AGMAT: variants seen among roughly 807,000 people sequenced by gnomAD.
AGMAT encodes the protein guanidino acid hydrolase, mitochondrial.
A neutral mutation model predicts 29.3 loss-of-function variants in AGMAT; 37 were observed. That is an observed-to-expected ratio of 1.26 (90% confidence interval 0.97 to 1.66). The LOEUF is 1.66. AGMAT is among the 40% of genes most tolerant of loss of function. The pLI is 0.00. For synonymous variants in AGMAT, 199 were observed against 200.8 expected (o/e 0.99, Z 0.08); for missense variants, 498 against 497.8 (o/e 1.00, Z 0.00).
intron 6 of AGMAT, among the ~76,000 whole-genome samples, chr1:15,574,251 C>T (rs1046615292): frequency 6.6e-5 from 10 of 152,136 alleles, no homozygotes. Flanking sequence ...GCTAATGATA[C>T]TTAACTACCT....
In AGMAT at chr1:15,578,315, G is replaced by C. The variant is rs930683727; in HGVS notation, c.721-451C>G. Among the ~76,000 whole-genome samples, 11 of 150,892 alleles carry C rather than the reference G, an allele frequency of 7.3e-5. No individual in the cohort carries two copies. In the South Asian group the frequency reaches 2.3e-3, roughly 32 times the overall value. On this transcript the variant is annotated intron_variant, in intron 4 of 6. Transcript: ENST00000375826. ...CTCCCCTCTTTTTTTTTTCTTTTGA[G>C]ATGGAGTCTCACTTTGTCACCTAGG...
At chr1:15,577,230 C>T (rs546035031) in intron 5 of AGMAT, among the ~76,000 whole-genome samples, 1 of 152,214 alleles carries the variant, frequency 6.6e-6, no homozygotes, top group East Asian at 1.9e-4. Context: ...GGTATTCAAA[C>T]TTATCCTCAG....
In AGMAT at chr1:15,573,309, GTAT is replaced by G; in HGVS notation, c.*339_*341del. The G allele has an allele frequency of 4.4e-6, 1 of 228,758 alleles. No individual in the cohort carries two copies. Among genetic ancestry groups the G allele is most frequent in the African/African-American group, 2.2e-5 (1 of 44,590 alleles). The allele number at this position is 228,758 out of a possible 1,614,324, so 14.2% of individuals were successfully genotyped here. A position where few individuals can be genotyped will look rare whatever the true frequency, so the allele number is the denominator to read the frequency against. ...TATAGAAATATGGAATGCTTATACAGTATTATTTCATAGTTTTTTTAAATGTCA... is the reference window on the plus strand; with the variant it reads ...TATAGAAATATGGAATGCTTATACAGTATTTCATAGTTTTTTTAAATGTCA... On this transcript the variant is annotated 3_prime_UTR_variant, in exon 7 of 7. Transcript: ENST00000375826.
intron 6 of AGMAT, 115 bp from the exon 7 acceptor site, chr1:15,573,839 T>G: frequency 1.1e-6 from 1 of 895,650 alleles, no homozygotes; most frequent in Non-Finnish European, 1.8e-6. Context: ...CCCTGTCTTG[T>G]GCACCCCTCT....
In AGMAT at chr1:15,583,315, G is replaced by T; in HGVS notation, c.353C>A (p.Ser118Tyr). ...ATCGCCTAGGTCTGCAACCATGAGGGACTGGAAGGGGAGGGCCCCCGTGCT... is the reference window on the plus strand; with the variant it reads ...ATCGCCTAGGTCTGCAACCATGAGGTACTGGAAGGGGAGGGCCCCCGTGCT... ...NPSTGALPFQ[S>Y]LMVADLGDVN... Residue 118 changes from serine to tyrosine, a missense_variant, in exon 2 of 7, where the codon TCC becomes TAC. Transcript: ENST00000375826. 1 of 1,614,186 alleles carries T rather than the reference G, an allele frequency of 6.2e-7. No homozygotes were observed. Among genetic ancestry groups the T allele is most frequent in the African/African-American group, 1.3e-5 (1 of 75,060 alleles).
At position 15,573,358 on chromosome 1, in the gene AGMAT, T is replaced by C. The variant is rs1446683883; in HGVS notation, c.*293A>G. ...TGTCATGTTTCTAATGTTTAGATAA[T>C]CTTGAAAGAAATTCTCCTCACTTCC... On this transcript the variant is annotated 3_prime_UTR_variant, in exon 7 of 7. Coordinates refer to ENST00000375826, the MANE Select transcript of AGMAT (RefSeq NM_024758.5). 3.5e-5 allele frequency: 11 copies of C among 316,344 alleles called. No homozygotes were observed. The highest frequency in any genetic ancestry group is 8.3e-5 in the African/African-American group (4 of 47,988). 19.6% of individuals were successfully genotyped at this position (316,344 alleles called of 1,614,324 possible).
chr1:15,584,764 G>A lies in AGMAT; in HGVS notation c.204C>T (p.Pro68=), dbSNP rs776791296. The change falls in exon 1 of 7, where the codon CCC becomes CCT. Residue 68 remains proline (P), a synonymous_variant. Transcript: ENST00000375826. ...CGATGAAGGCAGCGTCCAGCCCCTC[G>A]GGGGAGGTCTGCACCGGCAGGCGCA... ...SMMRLPVQTS[P]EGLDAAFIGV... is the part of the protein sequence containing the mutation. 3.7e-6 allele frequency: 5 copies of A among 1,362,534 alleles called. No individual in the cohort carries two copies. The allele number at this position is 1,362,534 out of a possible 1,614,324, so 84.4% of individuals were successfully genotyped here. A position where few individuals can be genotyped will look rare whatever the true frequency, so the allele number is the denominator to read the frequency against.
intron 4 of AGMAT, among the ~76,000 whole-genome samples, chr1:15,578,319 G>T (rs566644901): frequency 6.6e-6 from 1 of 151,806 alleles, no homozygotes; most frequent in African/African-American, 2.4e-5. Context: ...TTTTGAGATG[G>T]AGTCTCACTT....
intron 3 of AGMAT, 56 bp from the exon 4 acceptor site, chr1:15,579,110 C>T (rs1639079450): frequency 1.3e-6 from 2 of 1,554,352 alleles, no homozygotes; most frequent in East Asian, 2.3e-5. Flanking sequence ...CCTAGCACAG[C>T]CACCCTTCGG....
intron 5 of AGMAT, among the ~76,000 whole-genome samples, chr1:15,576,788 C>T (rs1399745486): frequency 3.3e-5 from 3 of 91,250 alleles, no homozygotes; most frequent in South Asian, 4.0e-4. Flanking sequence ...TTCACTCTTT[C>T]GCCCAGGCCA....
chr1:15,582,094 C>A (rs1639123262), intron 2 of AGMAT, among the ~76,000 whole-genome samples: 1 of 151,892 alleles, frequency 6.6e-6, no homozygotes, highest in African/African-American at 2.4e-5. Context: ...TATGATGAAA[C>A]CCCGTCTCTA....
At chr1:15,578,089 C>G (rs1464052702) in intron 4 of AGMAT, among the ~76,000 whole-genome samples, 7 of 152,186 alleles carry the variant, frequency 4.6e-5, no homozygotes, top group Non-Finnish European at 1.0e-4. Flanking sequence ...TTTGCTAAAG[C>G]AAGAGTGGGA....
At chr1:15,575,135 T>A in intron 5 of AGMAT, 1 of 262,538 alleles carries the variant, frequency 3.8e-6, no homozygotes, top group South Asian at 4.8e-5. Context: ...TCAGCATAGG[T>A]AATAGCCTGG....
chr1:15,580,936 C>T (rs1453317936), intron 2 of AGMAT, among the ~76,000 whole-genome samples: 1 of 152,040 alleles, frequency 6.6e-6, no homozygotes, highest in Non-Finnish European at 1.5e-5. Flanking sequence ...GATCGCGCCA[C>T]TGCACTCCAG....
intron 5 of AGMAT, chr1:15,576,161 A>G (rs6674806): frequency 0.29 from 44,065 of 152,112 alleles, 7,548 homozygotes; most frequent in African/African-American, 0.47. Flanking sequence ...GGAGTGCAAT[A>G]TCATGATCTC....
chr1:15,574,723 C>T, intron 6 of AGMAT, 34 bp downstream of exon 6: 1 of 1,570,552 alleles, frequency 6.4e-7, no homozygotes, highest in Non-Finnish European at 8.8e-7. Flanking sequence ...AAGCTACCGG[C>T]TGCCCATGGA....
intron 2 of AGMAT, among the ~76,000 whole-genome samples, chr1:15,581,176 C>T (rs958261047): frequency 2.6e-5 from 4 of 152,018 alleles, no homozygotes; most frequent in Admixed American, 6.6e-5. Context: ...ATTAAGACCC[C>T]GTCTTTGCAA....
At position 15,575,104 on chromosome 1, in the gene AGMAT, G is replaced by A. The variant is rs111782325; in HGVS notation, c.901-263C>T. 5.9e-3 allele frequency: 1,998 copies of A among 340,044 alleles called. 48 individuals are homozygous for A. The highest frequency in any genetic ancestry group is 0.038 in the African/African-American group (1,786 of 47,604). 21.1% of individuals were successfully genotyped at this position (340,044 alleles called of 1,614,324 possible). ...AATGTCATGCACCAAGGGCTTCAAG[G>A]AAAGCAAGCCCAGAATGGTATCAGC... is the stretch of plus-strand genomic sequence containing the variant. On this transcript the variant is annotated intron_variant, in intron 5 of 6. Transcript: ENST00000375826.
intron 6 of AGMAT, among the ~76,000 whole-genome samples, chr1:15,574,014 C>T (rs1638997368): frequency 6.6e-6 from 1 of 152,196 alleles, no homozygotes; most frequent in Non-Finnish European, 1.5e-5. Flanking sequence ...TATCTATCCT[C>T]TGAGGTCGAT....
Sources: gnomAD v4.1 joint callset for allele counts (sites outside exome capture counted in the v4.1 genomes callset) on GRCh38, gnomAD v4.1.1 for gene constraint, MANE v1.5 for transcripts, NCBI Gene and HGNC (gene_info 2026-07-23, HGNC 2026-07-21) for gene names.